Variants in CPEB4 observed in about 807,000 individuals in gnomAD.
CPEB4 encodes the protein cytoplasmic polyadenylation element binding protein 4.
Under a neutral mutation model 72.5 loss-of-function variants are expected in CPEB4, and 12 were observed. That is an observed-to-expected ratio of 0.17 (90% CI 0.11 to 0.27). The LOEUF (loss-of-function observed/expected upper bound fraction) is 0.27, where lower values mean the gene tolerates loss of function less well. Among genes scored for constraint, CPEB4 ranks in the 10% least tolerant of loss-of-function variants. The probability of loss-of-function intolerance (pLI) is 1.00; values close to 1 mark genes in which losing one functional copy is unlikely to be tolerated. For synonymous variants in CPEB4, 302 were observed against 326.3 expected (o/e 0.93, Z 0.80); for missense variants, 614 against 908.5 (o/e 0.68, Z 4.17).
intron 1 of CPEB4, among the ~76,000 whole-genome samples, chr5:173,907,842 G>A (rs1756499024): frequency 6.6e-6 from 1 of 152,222 alleles, no homozygotes; most frequent in African/African-American, 2.4e-5. Context: ...GGACAGTCTT[G>A]TGGGCTTAGG....
intron 6 of CPEB4, 118 bp from the exon 7 acceptor site, chr5:173,949,842 G>A: frequency 1.2e-6 from 1 of 800,866 alleles, no homozygotes; most frequent in South Asian, 1.5e-5. Flanking sequence ...TATAAATATT[G>A]TTTTAATTTT....
Position 173,904,892 on chromosome 5 carries a change from G to T in CPEB4, c.1126-5631G>T, listed in dbSNP as rs548720925. ...AGGCCGAGGCCAGAGGATCACTGGAGCCCAGGAGTTTGATGCTGTGGTGAG... is the reference window on the plus strand; with the variant it reads ...AGGCCGAGGCCAGAGGATCACTGGATCCCAGGAGTTTGATGCTGTGGTGAG... On this transcript the variant is annotated intron_variant, in intron 1 of 9. Coordinates refer to ENST00000265085, the MANE Select transcript of CPEB4 (RefSeq NM_030627.4). Among the ~76,000 whole-genome samples, 14 of 151,592 alleles carry T rather than the reference G, an allele frequency of 9.2e-5. No homozygotes were observed. The South Asian group carries it at 2.3e-3, about 25-fold the overall frequency.
Position 173,910,553 on chromosome 5 carries a change from C to G in CPEB4, c.1156C>G (p.Leu386Val), listed in dbSNP as rs767101563. The G allele has an allele frequency of 2.5e-6, 4 of 1,613,512 alleles. No individual in the cohort carries two copies. In the African/African-American group the frequency reaches 5.3e-5, roughly 22 times the overall value. Residue 386 changes from leucine (L) to valine (V), a missense_variant, in exon 2 of 10, where the codon CTG becomes GTG. Leu to Val is a conservative substitution (Grantham distance 32, BLOSUM62 1). Transcript: ENST00000265085. ...DRPRTFDMHSLESSLIDIMRA... is the reference protein window; with the variant it reads ...DRPRTFDMHSVESSLIDIMRA... ...CCCCAGGACATTCGACATGCACTCA[C>G]TGGAGAGTTCACTCATTGACATAAT...
At position 173,890,070 on chromosome 5, in the gene CPEB4, G is replaced by C. The variant is rs200448383; in HGVS notation, c.337G>C (p.Ala113Pro). Residue 113 changes from alanine (A) to proline (P), a missense_variant, in exon 1 of 10, where the codon GCA becomes CCA. By Grantham distance (27) the Ala-to-Pro change is conservative. Coordinates refer to ENST00000265085, the MANE Select transcript of CPEB4 (RefSeq NM_030627.4). Reference sequence around the variant, plus strand: ...TGGAATACTGCCTGAAACAGAGAAGGCAAAATCAGAAGAAAATCAAGGGGA... The same window carrying C: ...TGGAATACTGCCTGAAACAGAGAAGCCAAAATCAGAAGAAAATCAAGGGGA... Reference protein sequence around the residue: ...EAGILPETEKAKSEENQGDNS... With the variant: ...EAGILPETEKPKSEENQGDNS... 4 of 1,614,092 alleles carry C rather than the reference G, an allele frequency of 2.5e-6. No individual in the cohort carries two copies. The highest frequency in any genetic ancestry group is 8.5e-7 in the Non-Finnish European group (1 of 1,180,016).
chr5:173,890,992 C>A (rs1401222007), intron 1 of CPEB4, 134 bp downstream of exon 1: 7 of 866,118 alleles, frequency 8.1e-6, no homozygotes, highest in Non-Finnish European at 1.2e-5. Flanking sequence ...AATAACCAGA[C>A]TTTATTTTAG....
In CPEB4 at chr5:173,890,813, G is replaced by T. The variant is rs1476487862; in HGVS notation, c.1080G>T (p.Trp360Cys). The change falls in exon 1 of 10, where the codon TGG becomes TGT. Residue 360 changes from tryptophan to cysteine, a missense_variant. This residue lies in a region of CPEB4 where 458 missense variants were observed against 548.6 expected (regional missense o/e 0.83). Transcript: ENST00000265085. The stretch of plus-strand genomic sequence containing the variant: ...GCTCTGCCTTTGCACCTAAATCCTG[G>T]ATGGAAGATAGCTTGAACAGGGCTG... The part of the protein sequence containing the change: ...RPSSAFAPKS[W>C]MEDSLNRADN... 1.9e-6 allele frequency: 3 copies of T among 1,613,952 alleles called. No individual in the cohort carries two copies. The African/African-American group carries it at 4.0e-5, about 22-fold the overall frequency.
At chr5:173,891,193 A>G (rs2113113026) in intron 1 of CPEB4, among the ~76,000 whole-genome samples, 1 of 152,330 alleles carries the variant, frequency 6.6e-6, no homozygotes, top group Admixed American at 6.5e-5. Context: ...AATAAATAAT[A>G]TATAGATATA....
chr5:173,913,253 A>G (rs1756733583), intron 2 of CPEB4, among the ~76,000 whole-genome samples: 1 of 150,300 alleles, frequency 6.7e-6, no homozygotes, highest in Non-Finnish European at 1.5e-5. Flanking sequence ...GCTGGAGTGC[A>G]GTGGCACGAT....
intron 2 of CPEB4, 40 bp from the exon 3 acceptor site, chr5:173,932,410 G>GA (rs1561623234): frequency 1.3e-6 from 2 of 1,554,520 alleles, no homozygotes; most frequent in Non-Finnish European, 8.8e-7. Context: ...AACCATCTAT[G>GA]AAAAAAGTAA....
At chr5:173,891,686 T>C (rs1755817290) in intron 1 of CPEB4, 1 of 152,220 alleles carries the variant, frequency 6.6e-6, no homozygotes, top group Admixed American at 6.5e-5. Flanking sequence ...ATTGATGTTT[T>C]TGAATTAATG....
In CPEB4 at chr5:173,960,793, C is replaced by T. The variant is rs1758524790; in HGVS notation, c.*4656C>T. On this transcript the variant is annotated 3_prime_UTR_variant, in exon 10 of 10. Coordinates refer to ENST00000265085, the MANE Select transcript of CPEB4 (RefSeq NM_030627.4). Reference sequence around the variant, plus strand: ...TTTTGACTTCCAATTCCCAGTTCCTCCATAGACCTTAATGTCATAGGATAC... The same window carrying T: ...TTTTGACTTCCAATTCCCAGTTCCTTCATAGACCTTAATGTCATAGGATAC... 1 of 152,152 alleles carries T rather than the reference C, an allele frequency of 6.6e-6. No homozygotes were observed. Among genetic ancestry groups the T allele is most frequent in the Non-Finnish European group, 1.5e-5 (1 of 68,034 alleles). 9.4% of individuals were successfully genotyped at this position (152,152 alleles called of 1,614,324 possible). A position where few individuals can be genotyped will look rare whatever the true frequency, so the allele number is the denominator to read the frequency against.
rs958619830 is a variant in CPEB4, at chr5:173,957,390, G to A, written c.*1253G>A. 2.0e-5 allele frequency: 3 copies of A among 152,736 alleles called. No homozygotes were observed. The highest frequency in any genetic ancestry group is 7.2e-5 in the African/African-American group (3 of 41,442). 9.5% of individuals were successfully genotyped at this position (152,736 alleles called of 1,614,324 possible). A position where few individuals can be genotyped will look rare whatever the true frequency, so the allele number is the denominator to read the frequency against. ...AAGTAACTGTGTAAATCTGTGCAAAGGTACGTATGTTTATCTTACTCTTCC... is the reference window on the plus strand; with the variant it reads ...AAGTAACTGTGTAAATCTGTGCAAAAGTACGTATGTTTATCTTACTCTTCC... On this transcript the variant is annotated 3_prime_UTR_variant, in exon 10 of 10. Coordinates refer to ENST00000265085, the MANE Select transcript of CPEB4 (RefSeq NM_030627.4).
intron 5 of CPEB4, among the ~76,000 whole-genome samples, chr5:173,948,338 G>A (rs972810069): frequency 6.6e-6 from 1 of 152,132 alleles, no homozygotes; most frequent in African/African-American, 2.4e-5. Context: ...TACAAAAGGA[G>A]AAAAGGTTTG....
intron 4 of CPEB4, among the ~76,000 whole-genome samples, chr5:173,944,461 C>A (rs145413680): frequency 2.2e-4 from 28 of 125,986 alleles, no homozygotes; most frequent in Admixed American, 6.1e-4. Context: ...GGTAAAAGAG[C>A]GAGACACTGT....
intron 2 of CPEB4, among the ~76,000 whole-genome samples, chr5:173,915,318 A>G (rs1756827572): frequency 6.6e-6 from 1 of 151,996 alleles, no homozygotes; most frequent in South Asian, 2.1e-4. Flanking sequence ...ACTTATTTTT[A>G]ATTGCTTTTC....
intron 3 of CPEB4, among the ~76,000 whole-genome samples, chr5:173,940,551 C>T (rs1040689388): frequency 6.6e-6 from 1 of 152,012 alleles, no homozygotes; most frequent in Non-Finnish European, 1.5e-5. Context: ...GATAAAGTGG[C>T]GTTATTTAGC....
chr5:173,921,392 A>G (rs1322247988), intron 2 of CPEB4, among the ~76,000 whole-genome samples: 1 of 152,190 alleles, frequency 6.6e-6, no homozygotes. Context: ...CCTTGTTACA[A>G]AAAAGAACAT....
At chr5:173,934,204 C>T (rs140635953) in intron 3 of CPEB4, among the ~76,000 whole-genome samples, 1 of 152,204 alleles carries the variant, frequency 6.6e-6, no homozygotes, top group Non-Finnish European at 1.5e-5. Flanking sequence ...AAAAAGTATA[C>T]TATTATGAGA....
chr5:173,941,316 A>G lies in CPEB4; in HGVS notation c.1259-1710A>G, dbSNP rs144677940. Among the ~76,000 whole-genome samples, 183 of 152,004 alleles carry G rather than the reference A, an allele frequency of 1.2e-3. 1 individual carries two copies. Among genetic ancestry groups the G allele is most frequent in the South Asian group, 7.9e-3 (38 of 4,810 alleles). On this transcript the variant is annotated intron_variant, in intron 3 of 9. Transcript: ENST00000265085. ...GTCAGAAAATACCTACCCCTCCCCAACCCCCTAAACTTAAGACCTATTAAA... is the reference window on the plus strand; with the variant it reads ...GTCAGAAAATACCTACCCCTCCCCAGCCCCCTAAACTTAAGACCTATTAAA...
Sources: allele counts gnomAD v4.1 joint callset (sites outside exome capture counted in the v4.1 genomes callset), GRCh38; gene constraint gnomAD v4.1.1; regional missense constraint gnomAD v4.1.1; transcripts MANE v1.5; gene names NCBI Gene and HGNC (gene_info 2026-07-23, HGNC 2026-07-21).